JPH3: variants seen among roughly 807,000 people sequenced by gnomAD.
JPH3 encodes junctophilin 3.
In JPH3, 11 loss-of-function variants were observed where a neutral mutation model predicts 59.6. That is an observed-to-expected ratio of 0.18 (90% confidence interval 0.12 to 0.31). The LOEUF is 0.31. Among genes scored for constraint, JPH3 ranks in the 10% least tolerant of loss-of-function variants. The probability of loss-of-function intolerance (pLI) is 1.00; values close to 1 mark genes in which losing one functional copy is unlikely to be tolerated. For missense variants in JPH3, 1,202 were observed against 1,105.7 expected (o/e 1.09, Z -1.24); for synonymous variants, 673 against 483.6 (o/e 1.39, Z -5.14).
intron 2 of JPH3, among the ~76,000 whole-genome samples, chr16:87,660,447 G>C (rs138750741): frequency 1.2e-4 from 18 of 152,256 alleles, no homozygotes; most frequent in Admixed American, 5.2e-4. Context: ...GTCCCCAAGT[G>C]GCCAAGCTAA....
intron 1 of JPH3, among the ~76,000 whole-genome samples, chr16:87,617,551 G>C (rs1387544277): frequency 6.6e-6 from 1 of 151,730 alleles, no homozygotes; most frequent in Non-Finnish European, 1.5e-5. Flanking sequence ...AGAGGAAGCT[G>C]GGGGTCATGG....
chr16:87,693,512 TAAAAATACAA>T (rs1208801789), intron 4 of JPH3: 1 of 152,170 alleles, frequency 6.6e-6, no homozygotes, highest in Non-Finnish European at 1.5e-5. Context: ...TGTCTCCACT[TAAAAATACAA>T]AAATTAGCCG....
At chr16:87,631,667 CA>C (rs1222166753) in intron 1 of JPH3, among the ~76,000 whole-genome samples, 3 of 152,142 alleles carry the variant, frequency 2.0e-5, no homozygotes, top group Non-Finnish European at 2.9e-5. Context: ...AATCTTTGCC[CA>C]TTTTCCTTCC....
intron 2 of JPH3, among the ~76,000 whole-genome samples, chr16:87,678,078 C>A (rs556340471): frequency 6.6e-6 from 1 of 151,620 alleles, no homozygotes. Context: ...ATAGTGAGAC[C>A]CCATCTCTAC....
Position 87,602,838 on chromosome 16 carries a change from C to T in JPH3, c.-309C>T, listed in dbSNP as rs1360205799. 1.1e-5 allele frequency: 2 copies of T among 179,612 alleles called. No individual in the cohort carries two copies. Among genetic ancestry groups the T allele is most frequent in the Non-Finnish European group, 2.2e-5 (2 of 88,930 alleles). 11.1% of individuals were successfully genotyped at this position (179,612 alleles called of 1,614,324 possible). On this transcript the variant is annotated 5_prime_UTR_variant, in exon 1 of 5. Transcript: ENST00000284262. Reference sequence around the variant, plus strand: ...GCTGAGGTGGAGCCGCGGGCCCCGCCGCCGCCGCTCCTGCCCCCTCCCTCC... The same window carrying T: ...GCTGAGGTGGAGCCGCGGGCCCCGCTGCCGCCGCTCCTGCCCCCTCCCTCC...
At chr16:87,607,589 G>C (rs2030571870) in intron 1 of JPH3, among the ~76,000 whole-genome samples, 1 of 152,268 alleles carries the variant, frequency 6.6e-6, no homozygotes, top group African/African-American at 2.4e-5. Flanking sequence ...TAAACGGGGA[G>C]CTCAGATGAC....
chr16:87,663,003 G>A (rs530292863), intron 2 of JPH3, among the ~76,000 whole-genome samples: 5 of 152,256 alleles, frequency 3.3e-5, no homozygotes, highest in Non-Finnish European at 7.3e-5. Flanking sequence ...TTGGGCACCA[G>A]CCTGTCTCTT....
intron 2 of JPH3, among the ~76,000 whole-genome samples, chr16:87,657,211 C>G (rs1225602076): frequency 6.6e-6 from 1 of 152,118 alleles, no homozygotes; most frequent in Non-Finnish European, 1.5e-5. Flanking sequence ...AAGGAGGAGG[C>G]CAAACTGACC....
chr16:87,642,232 G>A (rs1051791647), intron 1 of JPH3, among the ~76,000 whole-genome samples: 2 of 148,800 alleles, frequency 1.3e-5, no homozygotes, highest in Non-Finnish European at 3.0e-5. Context: ...AGTGGAGGGG[G>A]CCTGGCTAGG....
intron 1 of JPH3, chr16:87,604,990 T>TGC: frequency 2.2e-6 from 1 of 451,814 alleles, no homozygotes; most frequent in Non-Finnish European, 4.5e-6. Flanking sequence ...TGTGTGTGTG[T>TGC]GTGCGCGCGC....
At chr16:87,636,652 C>A (rs1202713867) in intron 1 of JPH3, among the ~76,000 whole-genome samples, 4 of 152,170 alleles carry the variant, frequency 2.6e-5, no homozygotes, top group Non-Finnish European at 5.9e-5. Context: ...TTCGTGTAGC[C>A]AAACCCCTTT....
chr16:87,627,535 A>G (rs886756069), intron 1 of JPH3, among the ~76,000 whole-genome samples: 46 of 151,954 alleles, frequency 3.0e-4, no homozygotes, highest in African/African-American at 1.1e-3. Flanking sequence ...GGAGGTGGAG[A>G]TTGTGGTCCT....
At chr16:87,671,289 C>T (rs2033009328) in intron 2 of JPH3, among the ~76,000 whole-genome samples, 1 of 152,180 alleles carries the variant, frequency 6.6e-6, no homozygotes, top group South Asian at 2.1e-4. Flanking sequence ...CCCGAGGTGG[C>T]GACTGGGTTG....
intron 1 of JPH3, chr16:87,605,110 G>A (rs2030469008): frequency 2.9e-6 from 1 of 339,554 alleles, no homozygotes; most frequent in Non-Finnish European, 6.1e-6. Context: ...TCACCCCCAG[G>A]CTCTGGCCAG....
At chr16:87,686,830 G>A (rs1417056286) in intron 3 of JPH3, among the ~76,000 whole-genome samples, 1 of 152,212 alleles carries the variant, frequency 6.6e-6, no homozygotes, top group African/African-American at 2.4e-5. Flanking sequence ...ACAGATGCGG[G>A]CCCCTGTGGG....
intron 1 of JPH3, chr16:87,604,379 C>T (rs1278337902): frequency 1.4e-6 from 2 of 1,435,264 alleles, no homozygotes; most frequent in South Asian, 2.4e-5. Context: ...AGCTGCCCGC[C>T]TGCCTGGACT....
intron 1 of JPH3, among the ~76,000 whole-genome samples, chr16:87,621,811 A>AC: frequency 6.6e-6 from 1 of 152,218 alleles, no homozygotes; most frequent in East Asian, 1.9e-4. Context: ...GGCTCACTAG[A>AC]CCAAGTGCTG....
At chr16:87,613,035 A>C (rs919793039) in intron 1 of JPH3, among the ~76,000 whole-genome samples, 1 of 151,890 alleles carries the variant, frequency 6.6e-6, no homozygotes, top group African/African-American at 2.4e-5. Context: ...CAAAAAAAAT[A>C]AAGTAAAATA....
At chr16:87,675,459 C>T (rs1229897968) in intron 2 of JPH3, among the ~76,000 whole-genome samples, 1 of 152,204 alleles carries the variant, frequency 6.6e-6, no homozygotes, top group Non-Finnish European at 1.5e-5. Flanking sequence ...ACATATCCAG[C>T]ATGTGGGTGT....
Sources: allele counts gnomAD v4.1 joint callset (sites outside exome capture counted in the v4.1 genomes callset), GRCh38; gene constraint gnomAD v4.1.1; transcripts MANE v1.5; gene names NCBI Gene and HGNC (gene_info 2026-07-23, HGNC 2026-07-21).